Variants in ARMC6 observed in about 807,000 individuals in gnomAD.
The protein encoded by ARMC6 is armadillo repeat containing 6.
Under a neutral mutation model 49.2 loss-of-function variants are expected in ARMC6, and 43 were observed. The ratio of observed to expected loss-of-function variants is 0.87; its 90% CI spans 0.69 to 1.13. ARMC6 has a LOEUF of 1.13. Among genes scored for constraint, ARMC6 ranks in the 50% most tolerant of loss-of-function variants. The probability of loss-of-function intolerance (pLI) is 0.00; values close to 1 mark genes in which losing one functional copy is unlikely to be tolerated. For synonymous variants in ARMC6, 262 were observed against 289.6 expected (o/e 0.90, Z 0.97); for missense variants, 627 against 682.0 (o/e 0.92, Z 0.90).
chr19:19,055,374 C>T lies in ARMC6; in HGVS notation c.1133C>T (p.Thr378Ile), dbSNP rs2059535402. The T allele has an allele frequency of 6.2e-7, 1 of 1,610,874 alleles. No homozygotes were observed. Among genetic ancestry groups the T allele is most frequent in the Non-Finnish European group, 8.5e-7 (1 of 1,178,446 alleles). ...GGTESIVAAM[T>I]QHLTSPQVCE... ...ACGGAGTCCATCGTGGCTGCTATGACCCAGCATCTGACCAGCCCCCAGGTA... is the reference window on the plus strand; with the variant it reads ...ACGGAGTCCATCGTGGCTGCTATGATCCAGCATCTGACCAGCCCCCAGGTA... The change falls in exon 7 of 9, where the codon ACC becomes ATC. Residue 378 changes from threonine to isoleucine, a missense_variant. Physicochemically the swap from Thr to Ile is moderately conservative, Grantham distance 89 (BLOSUM62 -1). Coordinates refer to ENST00000535612, the MANE Select transcript of ARMC6 (RefSeq NM_001199196.2). The surrounding 1 kb of genome is among the most constrained non-coding windows in gnomAD (Gnocchi z 5.7).
chr19:19,048,143 C>G (rs1036089550), intron 4 of ARMC6, among the ~76,000 whole-genome samples: 1 of 151,894 alleles, frequency 6.6e-6, no homozygotes, highest in African/African-American at 2.4e-5. Flanking sequence ...GTCAGGTGTT[C>G]GAGACCAGCC....
chr19:19,039,818 T>C (rs532818357), intron 2 of ARMC6, among the ~76,000 whole-genome samples: 7 of 152,334 alleles, frequency 4.6e-5, no homozygotes, highest in African/African-American at 1.4e-4. Context: ...TCTTTGTTCT[T>C]GTGATTTATT....
intron 5 of ARMC6, among the ~76,000 whole-genome samples, chr19:19,052,967 A>G (rs910580206): frequency 1.3e-5 from 2 of 152,142 alleles, no homozygotes; most frequent in African/African-American, 4.8e-5. Flanking sequence ...TGTTTTATTT[A>G]TAGGAGCTCC....
At chr19:19,038,214 T>TA (rs2145844444) in intron 2 of ARMC6, among the ~76,000 whole-genome samples, 1 of 152,250 alleles carries the variant, frequency 6.6e-6, no homozygotes, top group Non-Finnish European at 1.5e-5. Flanking sequence ...GATCCTACAT[T>TA]ACAGTGAATA....
At chr19:19,034,294 T>C in intron 2 of ARMC6, 56 bp downstream of exon 2, 1 of 1,570,902 alleles carries the variant, frequency 6.4e-7, no homozygotes, top group Non-Finnish European at 8.6e-7. Flanking sequence ...GGCTGCTCTT[T>C]ATCTAGAAGT....
chr19:19,038,634 A>G (rs1006915172), intron 2 of ARMC6, among the ~76,000 whole-genome samples: 24 of 152,034 alleles, frequency 1.6e-4, no homozygotes, highest in African/African-American at 5.8e-4. Context: ...CTGGAGTGCG[A>G]TGGCGTGATC....
intron 4 of ARMC6, among the ~76,000 whole-genome samples, chr19:19,047,038 C>G (rs2059457875): frequency 6.7e-6 from 1 of 149,214 alleles, no homozygotes; most frequent in Non-Finnish European, 1.5e-5. Context: ...ATTGCAACCT[C>G]CACCTCCCAG....
At chr19:19,050,749 G>C (rs1040018987) in intron 4 of ARMC6, among the ~76,000 whole-genome samples, 1 of 152,166 alleles carries the variant, frequency 6.6e-6, no homozygotes, top group Non-Finnish European at 1.5e-5. Context: ...CCACAAATCT[G>C]AGCTCAGTGA....
At chr19:19,046,122 G>A (rs772580195) in intron 4 of ARMC6, among the ~76,000 whole-genome samples, 1 of 152,278 alleles carries the variant, frequency 6.6e-6, no homozygotes, top group East Asian at 1.9e-4. Flanking sequence ...CTGAAAGGCC[G>A]TTCTACCAGC....
intron 8 of ARMC6, among the ~76,000 whole-genome samples, chr19:19,056,253 C>G (rs192767292): frequency 6.6e-6 from 1 of 150,594 alleles, no homozygotes; most frequent in African/African-American, 2.5e-5. Context: ...CACGTAATCT[C>G]CTTCTGTGGG....
rs771648782 is a variant in ARMC6 at position 19,051,637 on chromosome 19, C to T, written c.295C>T (p.Gln99Ter). 6.2e-7 allele frequency: 1 copy of T among 1,603,538 alleles called. No homozygotes were observed. Among genetic ancestry groups the T allele is most frequent in the Admixed American group, 1.7e-5 (1 of 59,074 alleles). Residue 99 changes from glutamine to a stop codon, truncating the protein, a stop_gained, in exon 5 of 9, where the codon CAG (glutamine) becomes TAG (stop). Transcript: ENST00000535612. LOFTEE classifies it high-confidence loss of function. The part of the protein sequence containing the change: ...HDILQMLSDL[Q>*]ESVASSRPQE... ...TGTCTCCCAGATGCTCAGTGACCTC[C>T]AGGAGTCTGTGGCCAGCTCTCGCCC... is the stretch of plus-strand genomic sequence containing the variant.
At chr19:19,043,346 T>C (rs1459483361) in intron 3 of ARMC6, among the ~76,000 whole-genome samples, 4 of 152,170 alleles carry the variant, frequency 2.6e-5, no homozygotes, top group Non-Finnish European at 5.9e-5. Context: ...AGACCCTGAC[T>C]GCAGGGAGCA....
At position 19,033,821 on chromosome 19, in the gene ARMC6, C is replaced by T. The variant is rs931981535; in HGVS notation, c.-189C>T. ...TCCGCGAGTCTCTGGGAGGCCAAGC[C>T]TAGGGGCGCCACAGCGCCTGCGCGC... On this transcript the variant is annotated 5_prime_UTR_variant, in exon 1 of 9. Transcript: ENST00000535612. 7.4e-6 allele frequency: 2 copies of T among 268,994 alleles called. No individual in the cohort carries two copies. The highest frequency in any genetic ancestry group is 2.2e-5 in the African/African-American group (1 of 44,514). The allele number at this position is 268,994 out of a possible 1,614,324, so 16.7% of individuals were successfully genotyped here.
chr19:19,053,052 A>G (rs920210375), intron 5 of ARMC6, among the ~76,000 whole-genome samples: 1 of 152,206 alleles, frequency 6.6e-6, no homozygotes, highest in African/African-American at 2.4e-5. Context: ...GGATCATGCA[A>G]TTATGGCAAG....
In ARMC6 at chr19:19,051,850, C is replaced by T. The variant is rs759339097; in HGVS notation, c.508C>T (p.Pro170Ser). 1 of 1,614,104 alleles carries T rather than the reference C, an allele frequency of 6.2e-7. No homozygotes were observed. The highest frequency in any genetic ancestry group is 2.2e-5 in the East Asian group (1 of 44,876). Reference protein sequence around the residue: ...NALSVLTDGQPDLLDAQGLQL... With the variant: ...NALSVLTDGQSDLLDAQGLQL... ...CCTGTCGGTGCTGACTGATGGACAG[C>T]CAGACCTCCTGGATGCCCAGGGCCT... Residue 170 changes from proline (P) to serine (S), a missense_variant, in exon 5 of 9, where the codon CCA becomes TCA. By Grantham distance (74) the Pro-to-Ser change is moderately conservative (BLOSUM62 -1). Coordinates refer to ENST00000535612, the MANE Select transcript of ARMC6 (RefSeq NM_001199196.2).
chr19:19,057,587 C>T lies in ARMC6; in HGVS notation c.1465C>T (p.Arg489Ter), dbSNP rs369381751. 161 of 1,613,398 alleles carry T rather than the reference C, an allele frequency of 1.0e-4. No individual in the cohort carries two copies. Among genetic ancestry groups the T allele is most frequent in the Admixed American group, 3.3e-5 (2 of 59,996 alleles). Reference sequence around the variant, plus strand: ...GGACCTGGGTTGTCATGTCGAGCTCCGAGAGCTGTGGACAGGCCAGAGGGG... The same window carrying T: ...GGACCTGGGTTGTCATGTCGAGCTCTGAGAGCTGTGGACAGGCCAGAGGGG... ...LRDLGCHVELRELWTGQRGNL... is the reference protein window; with the variant it reads ...LRDLGCHVEL The change falls in exon 9 of 9, where the codon CGA becomes TGA. Residue 489 changes from arginine (R) to a stop codon, truncating the protein, a stop_gained. Transcript: ENST00000535612. LOFTEE classifies it high-confidence loss of function.
intron 4 of ARMC6, among the ~76,000 whole-genome samples, chr19:19,049,898 C>A (rs2059482178): frequency 6.6e-6 from 1 of 152,142 alleles, no homozygotes; most frequent in Admixed American, 6.6e-5. Context: ...GTGGCACATG[C>A]CTGTAGTCCC....
chr19:19,055,682 C>A lies in ARMC6; in HGVS notation c.1156-109C>A. The A allele has an allele frequency of 1.4e-6, 2 of 1,448,628 alleles. No homozygotes were observed. The highest frequency in any genetic ancestry group is 1.8e-6 in the Non-Finnish European group (2 of 1,083,712). The allele number at this position is 1,448,628 out of a possible 1,614,324, so 89.7% of individuals were successfully genotyped here. On this transcript the variant is annotated intron_variant, in intron 7 of 8. Transcript: ENST00000535612. The surrounding 1 kb of genome is among the most constrained non-coding windows in gnomAD (Gnocchi z 5.7). ...ATTATTACACAGGAGTTGCCAGAGA[C>A]CCACGGAGGGGAGGCCGCAGGGTGT...
At chr19:19,047,571 T>G (rs2059461432) in intron 4 of ARMC6, among the ~76,000 whole-genome samples, 1 of 152,156 alleles carries the variant, frequency 6.6e-6, no homozygotes, top group African/African-American at 2.4e-5. Flanking sequence ...CAGGAGTCAA[T>G]GGGTAAAGCC....
Sources: allele counts gnomAD v4.1 joint callset (sites outside exome capture counted in the v4.1 genomes callset), GRCh38; gene constraint gnomAD v4.1.1; non-coding constraint Gnocchi (gnomAD v3.1); transcripts MANE v1.5; gene names NCBI Gene and HGNC (gene_info 2026-07-23, HGNC 2026-07-21).